CHD1L: variants seen among roughly 807,000 people sequenced by gnomAD.
CHD1L encodes chromodomain helicase DNA binding protein 1 like.
Under a neutral mutation model 115.9 loss-of-function variants are expected in CHD1L, and 118 were observed. The ratio of observed to expected loss-of-function variants is 1.02; its 90% CI spans 0.88 to 1.19. The LOEUF is 1.19. Ranked by LOEUF, CHD1L falls within the 50% of genes most tolerant of loss-of-function variation. The probability of loss-of-function intolerance (pLI) is 0.00; values close to 1 mark genes in which losing one functional copy is unlikely to be tolerated. For synonymous variants in CHD1L, 411 were observed against 387.1 expected (o/e 1.06, Z -0.72); for missense variants, 1,179 against 1,065.3 (o/e 1.11, Z -1.49).
intron 9 of CHD1L, among the ~76,000 whole-genome samples, chr1:147,268,477 C>G (rs1169983436): frequency 6.6e-6 from 1 of 152,134 alleles, no homozygotes; most frequent in African/African-American, 2.4e-5. Context: ...AGAAGTCCTC[C>G]AGGTTATTCT....
the CHD1L span, among the ~76,000 whole-genome samples, chr1:147,232,701 G>A: frequency 2.0e-5 from 3 of 152,162 alleles, no homozygotes; most frequent in Non-Finnish European, 4.4e-5. Context: ...GGGTTTCGCT[G>A]TGTTGGCCGG....
the CHD1L span, among the ~76,000 whole-genome samples, chr1:147,181,960 T>C: frequency 0.019 from 2,850 of 152,186 alleles, 91 homozygotes; most frequent in African/African-American, 0.065. Flanking sequence ...ATTGAGACTT[T>C]AGTGGTGTTG....
At position 147,259,846 on chromosome 1, in the gene CHD1L, G is replaced by A. The variant is rs782465288; in HGVS notation, c.504G>A (p.Trp168Ter). 1 of 1,613,658 alleles carries A rather than the reference G, an allele frequency of 6.2e-7. No homozygotes were observed. Among genetic ancestry groups the A allele is most frequent in the Admixed American group, 1.7e-5 (1 of 59,992 alleles). ...GGGTTTTCTCTCACAGATTCCCTTG[G>A]AGTGTTCTTGTTGTGGATGAAGCTC... Reference protein sequence around the residue: ...KDASFLKSFPWSVLVVDEAHR... With the variant: ...KDASFLKSFP The change falls in exon 6 of 23, where the codon TGG becomes TGA. Residue 168 changes from tryptophan to a stop codon, truncating the protein, a stop_gained. Coordinates refer to ENST00000369258, the MANE Select transcript of CHD1L (RefSeq NM_004284.6). LOFTEE classifies it high-confidence loss of function.
chr1:147,242,939 C>A, intron 1 of CHD1L, 109 bp downstream of exon 1: 2 of 1,168,634 alleles, frequency 1.7e-6, no homozygotes. Context: ...TTTACCCGCT[C>A]GCGCCAGGGC....
At chr1:147,228,357 A>G in the CHD1L span, among the ~76,000 whole-genome samples, 88,504 of 151,846 alleles carry the variant, frequency 0.58, 27,835 homozygotes, top group East Asian at 0.87. Flanking sequence ...TTTTATGGCT[A>G]CATAGTATTC....
the CHD1L span, among the ~76,000 whole-genome samples, chr1:147,228,606 AC>A: frequency 0.021 from 3,167 of 152,210 alleles, 103 homozygotes; most frequent in African/African-American, 0.071. Context: ...CAATGGTTGA[AC>A]TAGTTTACAG....
At chr1:147,267,193 CTTCTGAG>C (rs1674268374) in intron 8 of CHD1L, among the ~76,000 whole-genome samples, 1 of 152,220 alleles carries the variant, frequency 6.6e-6, no homozygotes, top group Admixed American at 6.5e-5. Context: ...TAACAGAGTA[CTTCTGAG>C]TTCTATTTAC....
chr1:147,182,399 G>A, the CHD1L span, among the ~76,000 whole-genome samples: 2 of 152,328 alleles, frequency 1.3e-5, no homozygotes, highest in African/African-American at 4.8e-5. Context: ...GCTGAAGATA[G>A]TGGAGCAAAA....
chr1:147,233,268 G>C, the CHD1L span, among the ~76,000 whole-genome samples: 2 of 150,050 alleles, frequency 1.3e-5, no homozygotes, highest in African/African-American at 4.9e-5. Context: ...CCCGGCAGCC[G>C]CCCCGTCTGG....
the CHD1L span, among the ~76,000 whole-genome samples, chr1:147,200,513 T>G: frequency 6.6e-6 from 1 of 152,174 alleles, no homozygotes; most frequent in South Asian, 2.1e-4. Flanking sequence ...TCTAGAACAT[T>G]ATAGTTTTTT....
chr1:147,289,896 G>A (rs1375563135), intron 19 of CHD1L, among the ~76,000 whole-genome samples: 13 of 152,182 alleles, frequency 8.5e-5, no homozygotes, highest in Admixed American at 8.5e-4. Context: ...GACGTCACAT[G>A]ATTTGTCCAG....
At chr1:147,208,607 T>G in the CHD1L span, 10 of 343,624 alleles carry the variant, frequency 2.9e-5, no homozygotes, top group Non-Finnish European at 4.5e-5. Context: ...ACCTGGCTAA[T>G]TTTGTGTTTT....
At chr1:147,205,836 C>T in the CHD1L span, among the ~76,000 whole-genome samples, 1 of 152,014 alleles carries the variant, frequency 6.6e-6, no homozygotes, top group Non-Finnish European at 1.5e-5. Flanking sequence ...TAGGCAATAC[C>T]ATTCAGGACA....
chr1:147,193,712 G>C, the CHD1L span, among the ~76,000 whole-genome samples: 4 of 152,198 alleles, frequency 2.6e-5, no homozygotes, highest in East Asian at 7.7e-4. Context: ...TTGTGTCTTT[G>C]TTCCCATTGG....
the CHD1L span, among the ~76,000 whole-genome samples, chr1:147,222,332 TAC>T: frequency 6.6e-6 from 1 of 152,120 alleles, no homozygotes; most frequent in African/African-American, 2.4e-5. Context: ...CACGCCACTA[TAC>T]TCCAGCCTGG....
intron 5 of CHD1L, among the ~76,000 whole-genome samples, chr1:147,258,642 T>A (rs138700898): frequency 6.6e-6 from 1 of 152,298 alleles, no homozygotes; most frequent in African/African-American, 2.4e-5. Flanking sequence ...AATGGTAATG[T>A]CATAGGGACC....
chr1:147,260,700 G>A (rs1197088025), intron 6 of CHD1L: 3 of 152,284 alleles, frequency 2.0e-5, no homozygotes, highest in African/African-American at 7.2e-5. Flanking sequence ...CTGGGTTCAT[G>A]AAGAGACCAA....
At chr1:147,175,590 G>A in the CHD1L span, 2 of 151,980 alleles carry the variant, frequency 1.3e-5, no homozygotes, top group Non-Finnish European at 2.9e-5. Context: ...TCTCTCCCCT[G>A]TGCCACATAA....
the CHD1L span, among the ~76,000 whole-genome samples, chr1:147,213,896 T>C: frequency 6.6e-6 from 1 of 152,212 alleles, no homozygotes; most frequent in South Asian, 2.1e-4. Context: ...TACCTTTAAA[T>C]AAGTGACTGA....
Sources: allele counts gnomAD v4.1 joint callset (sites outside exome capture counted in the v4.1 genomes callset), GRCh38; gene constraint gnomAD v4.1.1; transcripts MANE v1.5; gene names NCBI Gene and HGNC (gene_info 2026-07-23, HGNC 2026-07-21).